P2RX5: variants seen among roughly 807,000 people sequenced by gnomAD.
P2RX5 encodes P2X purinoceptor 5.
A neutral mutation model predicts 54.1 loss-of-function variants in P2RX5; 46 were observed. The observed-to-expected ratio is 0.85, with a 90% confidence interval of 0.67 to 1.09. The LOEUF (loss-of-function observed/expected upper bound fraction) is 1.09, where lower values mean the gene tolerates loss of function less well. Ranked by LOEUF, P2RX5 falls within the 50% of genes least tolerant of loss-of-function variation. P2RX5 has a pLI of 0.00. For synonymous variants in P2RX5, 226 were observed against 226.4 expected, an observed-to-expected ratio of 1.00 and a Z score of 0.02; for missense variants, 566 against 549.8, an observed-to-expected ratio of 1.03 and a Z score of -0.29.
Position 3,693,310 on chromosome 17 carries a change from T to A in P2RX5, c.138-1516A>T, listed in dbSNP as rs1256097469. The stretch of plus-strand genomic sequence containing the variant: ...CTACAGATAACAGGTGTTGATGAGG[T>A]TGTGAAGAAATTAGAACCCCCGTAT... On this transcript the variant is annotated intron_variant, in intron 1 of 11. Coordinates refer to ENST00000225328, the MANE Select transcript of P2RX5 (RefSeq NM_002561.4). Among the ~76,000 whole-genome samples the A allele has an allele frequency of 2.0e-5, 3 of 151,974 alleles. No homozygotes were observed. The East Asian group carries it at 5.8e-4, about 29-fold the overall frequency.
At position 3,695,818 on chromosome 17, in the gene P2RX5, G is replaced by A. The variant is rs946665105; in HGVS notation, c.137+51C>T. 8 of 1,592,240 alleles carry A rather than the reference G, an allele frequency of 5.0e-6. No individual in the cohort carries two copies. The African/African-American group carries it at 9.4e-5, about 19-fold the overall frequency. On this transcript the variant is annotated intron_variant, in intron 1 of 11. Coordinates refer to ENST00000225328, the MANE Select transcript of P2RX5 (RefSeq NM_002561.4). ...ACCCTGGAGAAGGACGCGGCGGCTGGCACCCGCCCTGCCCCTCCCCCGCCT... is the reference window on the plus strand; with the variant it reads ...ACCCTGGAGAAGGACGCGGCGGCTGACACCCGCCCTGCCCCTCCCCCGCCT...
upstream of P2RX5, among the ~76,000 whole-genome samples, chr17:3,700,944 G>A (rs931514429): frequency 3.3e-5 from 5 of 152,166 alleles, no homozygotes; most frequent in Admixed American, 2.0e-4. Flanking sequence ...GGCCCAGGGC[G>A]AATGGCTGGT....
the P2RX5 span, among the ~76,000 whole-genome samples, chr17:3,703,930 A>G: frequency 1.3e-5 from 2 of 152,030 alleles, no homozygotes; most frequent in East Asian, 1.9e-4. Flanking sequence ...GAGAAACCCC[A>G]TCTCTACTAA....
At chr17:3,698,078 T>G (rs2050790933), upstream of P2RX5, among the ~76,000 whole-genome samples, 1 of 151,822 alleles carries the variant, frequency 6.6e-6, no homozygotes, top group Admixed American at 6.6e-5. Context: ...GCATTTCGAT[T>G]CCACCCTGCC....
In P2RX5 at chr17:3,673,357, GC is replaced by G. The variant is rs1299004986; in HGVS notation, c.*510del. On this transcript the variant is annotated 3_prime_UTR_variant, in exon 12 of 12. Coordinates refer to ENST00000225328, the MANE Select transcript of P2RX5 (RefSeq NM_002561.4). ...CTGTGTACTGGCCTAAGGGCAAACA[GC>G]TGGCAGGAAGGTGGTGTCTTTAGGA... 1 of 1,015,438 alleles carries G rather than the reference GC, an allele frequency of 9.8e-7. No individual in the cohort carries two copies. The highest frequency in any genetic ancestry group is 9.0e-5 in the East Asian group (1 of 11,108). 62.9% of individuals were successfully genotyped at this position (1,015,438 alleles called of 1,614,324 possible). A position where few individuals can be genotyped will look rare whatever the true frequency, so the allele number is the denominator to read the frequency against.
the P2RX5 span, chr17:3,714,790 T>C: frequency 1.1e-6 from 1 of 943,504 alleles, no homozygotes; most frequent in Non-Finnish European, 1.7e-6. Context: ...ATGCAAAGGA[T>C]GCTGGGTCTC....
chr17:3,688,062 T>C lies in P2RX5; in HGVS notation c.931A>G (p.Thr311Ala). 1 of 1,599,936 alleles carries C rather than the reference T, an allele frequency of 6.3e-7. No individual in the cohort carries two copies. Among genetic ancestry groups the C allele is most frequent in the Non-Finnish European group, 8.5e-7 (1 of 1,173,730 alleles). Reference sequence around the variant, plus strand: ...CGGATCCCGTAGGCTTTCATCAGGGTGCGGAACTCCACCCCGGCTGCGTCT... The same window carrying C: ...CGGATCCCGTAGGCTTTCATCAGGGCGCGGAACTCCACCCCGGCTGCGTCT... ...YRDAAGVEFR[T>A]LMKAYGIRFD... Residue 311 changes from threonine to alanine, a missense_variant, in exon 9 of 12, where the codon ACC (threonine) becomes GCC (alanine). Transcript: ENST00000225328.
At chr17:3,696,877 G>C (rs1467999554), upstream of P2RX5, among the ~76,000 whole-genome samples, 1 of 152,150 alleles carries the variant, frequency 6.6e-6, no homozygotes, top group Admixed American at 6.5e-5. Context: ...TTCACCTCGC[G>C]CCAGGTCTCC....
upstream of P2RX5, among the ~76,000 whole-genome samples, chr17:3,700,357 A>G (rs558628717): frequency 6.6e-6 from 1 of 151,924 alleles, no homozygotes; most frequent in Admixed American, 6.6e-5. Flanking sequence ...ACATGGTGAA[A>G]CCCCCTCTCT....
At chr17:3,684,034 T>C (rs914117035) in intron 9 of P2RX5, among the ~76,000 whole-genome samples, 1 of 152,242 alleles carries the variant, frequency 6.6e-6, no homozygotes, top group Non-Finnish European at 1.5e-5. Context: ...GGATGGGCAC[T>C]GACCACTCCC....
At chr17:3,715,624 G>C in the P2RX5 span, among the ~76,000 whole-genome samples, 2 of 152,296 alleles carry the variant, frequency 1.3e-5, no homozygotes, top group Admixed American at 6.5e-5. Flanking sequence ...AGGCCAAGAT[G>C]AGAAGATGGC....
At chr17:3,678,536 C>T (rs1230098242) in intron 11 of P2RX5, among the ~76,000 whole-genome samples, 1 of 152,202 alleles carries the variant, frequency 6.6e-6, no homozygotes, top group Non-Finnish European at 1.5e-5. Context: ...CTGGGTCTAC[C>T]CCATACGGAC....
chr17:3,691,472 G>T (rs1486634090), intron 2 of P2RX5, among the ~76,000 whole-genome samples, 172 bp downstream of exon 2: 1 of 152,226 alleles, frequency 6.6e-6, no homozygotes, highest in African/African-American at 2.4e-5. Context: ...CAGGGGTTTG[G>T]CATGGGAGGT....
chr17:3,688,556 T>G, intron 8 of P2RX5, 70 bp downstream of exon 8: 2 of 1,561,926 alleles, frequency 1.3e-6, no homozygotes, highest in Non-Finnish European at 1.8e-6. Flanking sequence ...GCCTCAATAG[T>G]GCTGGCACCC....
the P2RX5 span, chr17:3,723,381 A>G: frequency 1.9e-6 from 3 of 1,610,434 alleles, no homozygotes; most frequent in Admixed American, 3.3e-5. Context: ...ATTCTTCCAC[A>G]TGCTGGAAAA....
chr17:3,685,348 G>A (rs1032891161), intron 9 of P2RX5, among the ~76,000 whole-genome samples: 1 of 152,184 alleles, frequency 6.6e-6, no homozygotes, highest in Non-Finnish European at 1.5e-5. Context: ...CTGGCAGAGC[G>A]TGAAATCCCA....
chr17:3,696,503 G>A (rs2143002607), upstream of P2RX5: 1 of 152,430 alleles, frequency 6.6e-6, no homozygotes, highest in South Asian at 2.1e-4. Flanking sequence ...CGCCGAGGCT[G>A]GAGTGCAGTG....
chr17:3,719,234 T>TAAAAAA, the P2RX5 span, among the ~76,000 whole-genome samples: 4 of 34,820 alleles, frequency 1.1e-4, 1 homozygote, highest in African/African-American at 4.9e-4. Flanking sequence ...AGATTCTTCC[T>TAAAAAA]CAAAAAAAAA....
chr17:3,699,091 ACACC>A (rs1330712481), upstream of P2RX5, among the ~76,000 whole-genome samples: 1,160 of 61,802 alleles, frequency 0.019, 22 homozygotes, highest in African/African-American at 0.042. Context: ...ACACACACAC[ACACC>A]TATATATATA....
Sources: gnomAD v4.1 joint callset for allele counts (sites outside exome capture counted in the v4.1 genomes callset) on GRCh38, gnomAD v4.1.1 for gene constraint, MANE v1.5 for transcripts, NCBI Gene and HGNC (gene_info 2026-07-23, HGNC 2026-07-21) for gene names.